The following CELF2 variants were observed in gnomAD, a reference collection of about 807,000 sequenced individuals.
The protein encoded by CELF2 is CUG triplet repeat RNA-binding protein 2.
A neutral mutation model predicts 62.6 loss-of-function variants in CELF2; 8 were observed. The ratio of observed to expected loss-of-function variants is 0.13; its 90% CI spans 0.07 to 0.23. CELF2 has a LOEUF of 0.23. Among genes scored for constraint, CELF2 ranks in the 10% least tolerant of loss-of-function variants. The pLI is 1.00. For synonymous variants in CELF2, 258 were observed against 250.0 expected (o/e 1.03, Z -0.30); for missense variants, 333 against 671.0 (o/e 0.50, Z 5.56).
At chr10:10,578,305 A>G in the CELF2 span, among the ~76,000 whole-genome samples, 9 of 151,954 alleles carry the variant, frequency 5.9e-5, no homozygotes, top group Non-Finnish European at 1.0e-4. Flanking sequence ...CTCCCATTCT[A>G]TAGGTTGCCT....
At chr10:11,327,592 C>T (rs1210597290) in intron 12 of CELF2, among the ~76,000 whole-genome samples, 1 of 152,210 alleles carries the variant, frequency 6.6e-6, no homozygotes, top group Non-Finnish European at 1.5e-5. Flanking sequence ...ATCCATCTCA[C>T]CTTTGTCCAT....
At chr10:11,026,660 C>T (rs574303583) in intron 1 of CELF2, among the ~76,000 whole-genome samples, 1 of 152,228 alleles carries the variant, frequency 6.6e-6, no homozygotes, top group South Asian at 2.1e-4. Context: ...TCTTGTTGCC[C>T]TTCTTATGTT....
intron 2 of CELF2, among the ~76,000 whole-genome samples, chr10:11,190,803 A>G (rs1306381711): frequency 8.1e-6 from 1 of 124,062 alleles, no homozygotes; most frequent in Non-Finnish European, 1.7e-5. Flanking sequence ...AAAAAAAAAA[A>G]GCCATTGAAA....
chr10:11,076,864 G>C (rs985797233), intron 1 of CELF2, among the ~76,000 whole-genome samples: 2 of 152,192 alleles, frequency 1.3e-5, no homozygotes, highest in South Asian at 4.1e-4. Context: ...GGGATTGACT[G>C]TAGGGGAGCT....
rs2060017852 is a variant in CELF2 at position 10,860,994 on chromosome 10, C to T, written c.54-58970C>T. ...TGGAGGACAGTGGCTCATCATTGCA[C>T]ACTACAGCCTTGAACTCCTAGGCTC... On this transcript the variant is annotated intron_variant, in intron 1 of 13. Coordinates refer to the CELF2 transcript ENST00000636488. Among the ~76,000 whole-genome samples, 4 of 152,270 alleles carry T rather than the reference C, an allele frequency of 2.6e-5. No individual in the cohort carries two copies. In the South Asian group the frequency reaches 8.3e-4, roughly 32 times the overall value.
chr10:11,056,717 G>T (rs1011294603), intron 1 of CELF2, among the ~76,000 whole-genome samples: 6 of 152,196 alleles, frequency 3.9e-5, no homozygotes, highest in African/African-American at 1.4e-4. Flanking sequence ...ATCAGAGGAT[G>T]CATTTTCATG....
At position 11,306,636 on chromosome 10, in the gene CELF2, G is replaced by T. The variant is rs2094229063; in HGVS notation, c.977-7503G>T. ...TCTTACAACTGAGATGCCAGTTGGG[G>T]TGAATTTTCAAAGTATTGTCTGATG... is the stretch of plus-strand genomic sequence containing the variant. On this transcript the variant is annotated intron_variant, in intron 9 of 12. Coordinates refer to ENST00000633077, the MANE Select transcript of CELF2 (RefSeq NM_001326342.2). This position sits in a 1 kb window ranked among gnomAD's most constrained non-coding sequence, Gnocchi z 4.4. Among the ~76,000 whole-genome samples, 2 of 152,166 alleles carry T rather than the reference G, an allele frequency of 1.3e-5. No individual in the cohort carries two copies. The highest frequency in any genetic ancestry group is 4.1e-4 in the South Asian group (2 of 4,826).
At chr10:10,621,073 TAAA>T in the CELF2 span, among the ~76,000 whole-genome samples, 1 of 145,294 alleles carries the variant, frequency 6.9e-6, no homozygotes, top group Non-Finnish European at 1.5e-5. Flanking sequence ...AATAAAAAAA[TAAA>T]AAATAATAAT....
chr10:10,935,086 G>A (rs1026215786), intron 2 of CELF2: 1 of 152,158 alleles, frequency 6.6e-6, no homozygotes, highest in Non-Finnish European at 1.5e-5. Context: ...ATTCACTGTG[G>A]AAATTTGGTG....
At chr10:10,541,549 G>A in the CELF2 span, among the ~76,000 whole-genome samples, 3 of 152,172 alleles carry the variant, frequency 2.0e-5, no homozygotes, top group Non-Finnish European at 2.9e-5. Context: ...TTCCAGGAAA[G>A]GGGTGGGCAA....
Position 10,922,037 on chromosome 10 carries a change from T to A in CELF2, c.89+2038T>A, listed in dbSNP as rs115708907. Among the ~76,000 whole-genome samples the A allele has an allele frequency of 2.0e-3, 308 of 152,244 alleles. 4 individuals carry two copies. Among genetic ancestry groups the A allele is most frequent in the African/African-American group, 7.2e-3 (300 of 41,544 alleles). Reference sequence around the variant, plus strand: ...CAGGGGAAAGTACAAATTGTTGCCATCTGTTACCGGAGATAAGCACATTTG... The same window carrying A: ...CAGGGGAAAGTACAAATTGTTGCCAACTGTTACCGGAGATAAGCACATTTG... On this transcript the variant is annotated intron_variant, in intron 2 of 13. Coordinates refer to the CELF2 transcript ENST00000636488.
At chr10:10,624,528 G>C in the CELF2 span, among the ~76,000 whole-genome samples, 1 of 152,152 alleles carries the variant, frequency 6.6e-6, no homozygotes, top group Non-Finnish European at 1.5e-5. Flanking sequence ...GGCCAATTCG[G>C]CTCATTGATG....
At chr10:10,680,669 G>A in the CELF2 span, among the ~76,000 whole-genome samples, 1 of 152,198 alleles carries the variant, frequency 6.6e-6, no homozygotes, top group Admixed American at 6.5e-5. Flanking sequence ...CAAGGCCTCT[G>A]ACATAAATCA....
chr10:10,767,592 A>G, the CELF2 span, among the ~76,000 whole-genome samples: 1 of 152,222 alleles, frequency 6.6e-6, no homozygotes, highest in Admixed American at 6.5e-5. Flanking sequence ...AAACAGACCA[A>G]TGCTTGGTAT....
At chr10:10,680,454 T>A in the CELF2 span, among the ~76,000 whole-genome samples, 1 of 152,158 alleles carries the variant, frequency 6.6e-6, no homozygotes, top group Non-Finnish European at 1.5e-5. Flanking sequence ...CTTCTAGTAA[T>A]CCTCTCCCAC....
Position 11,300,653 on chromosome 10 carries a change from C to T in CELF2, c.976+12101C>T, listed in dbSNP as rs751545183. 1.3e-5 allele frequency among the ~76,000 whole-genome samples: 2 copies of T among 152,068 alleles called. No homozygotes were observed. Among genetic ancestry groups the T allele is most frequent in the Non-Finnish European group, 2.9e-5 (2 of 68,018 alleles). ...GGGGGAGAGGCGTAGTATATTAATG[C>T]CCCAGGGTTGTGATTGGCTAGTAAT... On this transcript the variant is annotated intron_variant, in intron 9 of 12. Coordinates refer to ENST00000633077, the MANE Select transcript of CELF2 (RefSeq NM_001326342.2). The surrounding 1 kb of genome is among the most constrained non-coding windows in gnomAD (Gnocchi z 5.5).
chr10:11,065,634 GAAGTTCAGATTTTATTCCTTC>G (rs1216124268), intron 1 of CELF2, among the ~76,000 whole-genome samples: 1 of 152,056 alleles, frequency 6.6e-6, no homozygotes, highest in African/African-American at 2.4e-5. Flanking sequence ...TCTAAAATAT[GAAGTTCAGATTTTATTCCTTC>G]AAAACATGTT....
chr10:10,879,505 A>T (rs755760085), intron 1 of CELF2, among the ~76,000 whole-genome samples: 2 of 152,244 alleles, frequency 1.3e-5, no homozygotes, highest in Non-Finnish European at 2.9e-5. Flanking sequence ...AATTACAAAT[A>T]AAATAGGGTA....
At chr10:10,857,648 A>ATTATATATATATATAT (rs1564727117) in intron 1 of CELF2, among the ~76,000 whole-genome samples, 2 of 38,812 alleles carry the variant, frequency 5.2e-5, no homozygotes, top group Non-Finnish European at 9.1e-5. Context: ...ACATATATAT[A>ATTATATATATATATAT]GTATATATAT....
Sources: allele counts gnomAD v4.1 joint callset (sites outside exome capture counted in the v4.1 genomes callset), GRCh38; gene constraint gnomAD v4.1.1; non-coding constraint Gnocchi (gnomAD v3.1); transcripts MANE v1.5; gene names NCBI Gene and HGNC (gene_info 2026-07-23, HGNC 2026-07-21).